DGCR2: variants seen among roughly 807,000 people sequenced by gnomAD.
DGCR2 encodes DiGeorge syndrome critical region gene 2, also known as integral membrane protein DGCR2/IDD.
DGCR2 carries 24 observed loss-of-function variants against 51.6 expected under a neutral mutation model. The ratio of observed to expected loss-of-function variants is 0.47; its 90% CI spans 0.34 to 0.65. The LOEUF (loss-of-function observed/expected upper bound fraction) is 0.65, where lower values mean the gene tolerates loss of function less well. Ranked by LOEUF, DGCR2 falls within the 30% of genes least tolerant of loss-of-function variation. The probability of loss-of-function intolerance (pLI) is 0.01; values close to 1 mark genes in which losing one functional copy is unlikely to be tolerated. For synonymous variants in DGCR2, 340 were observed against 315.4 expected, an observed-to-expected ratio of 1.08 and a Z score of -0.82; for missense variants, 765 against 772.1, an observed-to-expected ratio of 0.99 and a Z score of 0.11.
chr22:19,036,535 C>G lies in DGCR2; in HGVS notation c.*2330G>C, dbSNP rs964279603. 1 of 152,444 alleles carries G rather than the reference C, an allele frequency of 6.6e-6. No homozygotes were observed. The highest frequency in any genetic ancestry group is 2.4e-5 in the African/African-American group (1 of 41,446). 9.4% of individuals were successfully genotyped at this position (152,444 alleles called of 1,614,324 possible). A position where few individuals can be genotyped will look rare whatever the true frequency, so the allele number is the denominator to read the frequency against. On this transcript the variant is annotated 3_prime_UTR_variant, in exon 10 of 10. Transcript: ENST00000263196. Reference sequence around the variant, plus strand: ...GGAGCACAAGGTTCAGCAAGGGTGACCCCGGGACTTGCTGGTCAGACTGGG... The same window carrying G: ...GGAGCACAAGGTTCAGCAAGGGTGAGCCCGGGACTTGCTGGTCAGACTGGG...
chr22:19,089,127 C>T (rs1045348841), intron 2 of DGCR2, among the ~76,000 whole-genome samples: 1 of 152,218 alleles, frequency 6.6e-6, no homozygotes, highest in African/African-American at 2.4e-5. Flanking sequence ...TTAAGTGGAG[C>T]CTCCTGGGCA....
At chr22:19,084,454 G>C (rs1226336926) in intron 2 of DGCR2, among the ~76,000 whole-genome samples, 1 of 144,256 alleles carries the variant, frequency 6.9e-6, no homozygotes, top group Non-Finnish European at 1.5e-5. Context: ...CAGCCGCCCC[G>C]TCTGAGAAGT....
intron 2 of DGCR2, among the ~76,000 whole-genome samples, chr22:19,088,251 G>C (rs2083040035): frequency 6.6e-6 from 1 of 152,194 alleles, no homozygotes; most frequent in Non-Finnish European, 1.5e-5. Flanking sequence ...TCAAGCCTGG[G>C]CACCAGGAAT....
At chr22:19,110,324 T>A (rs738905) in intron 1 of DGCR2, among the ~76,000 whole-genome samples, 40,885 of 152,046 alleles carry the variant, frequency 0.27, 6,974 homozygotes, top group Non-Finnish European at 0.39. Context: ...AGGAACAGGC[T>A]GCGGGGAAGT....
chr22:19,042,039 C>T, intron 7 of DGCR2, 80 bp from the exon 8 acceptor site: 1 of 1,499,176 alleles, frequency 6.7e-7, no homozygotes, highest in African/African-American at 1.4e-5. Context: ...CGTCCTCCTG[C>T]CCAGGCGGGC....
rs936657060 is a variant in DGCR2, at chr22:19,122,373, G to T, written c.-167C>A. The T allele has an allele frequency of 6.1e-6, 3 of 495,728 alleles. No homozygotes were observed. The highest frequency in any genetic ancestry group is 3.7e-5 in the East Asian group (1 of 27,080). The allele number at this position is 495,728 out of a possible 1,614,324, so 30.7% of individuals were successfully genotyped here. On this transcript the variant is annotated 5_prime_UTR_variant, in exon 1 of 10. Transcript: ENST00000263196. ...GGGCCGCGGGCTGGCGCACACTCTCGGCTGCAACCTCAGGCACCGACTCCA... is the reference window on the plus strand; with the variant it reads ...GGGCCGCGGGCTGGCGCACACTCTCTGCTGCAACCTCAGGCACCGACTCCA...
intron 4 of DGCR2, among the ~76,000 whole-genome samples, chr22:19,063,533 T>C (rs1459159479): frequency 2.0e-5 from 3 of 147,970 alleles, no homozygotes; most frequent in African/African-American, 7.5e-5. Flanking sequence ...TTTTTTTTAG[T>C]AGAGACGGGG....
chr22:19,104,599 T>C (rs1375276555), intron 1 of DGCR2, among the ~76,000 whole-genome samples: 2 of 152,172 alleles, frequency 1.3e-5, no homozygotes, highest in Admixed American at 1.3e-4. Context: ...CTGCTCGCAC[T>C]ACTCACAGCC....
At chr22:19,108,593 A>G (rs1318410016) in intron 1 of DGCR2, among the ~76,000 whole-genome samples, 1 of 102,796 alleles carries the variant, frequency 9.7e-6, no homozygotes, top group African/African-American at 4.1e-5. Flanking sequence ...AAAAAAAAAA[A>G]AAAAAAAAAA....
At chr22:19,062,263 G>A (rs2145962097) in intron 5 of DGCR2, among the ~76,000 whole-genome samples, 1 of 152,284 alleles carries the variant, frequency 6.6e-6, no homozygotes, top group Admixed American at 6.5e-5. Flanking sequence ...TCCTGAGCAG[G>A]ATCGGGACAG....
Position 19,057,214 on chromosome 22 carries a change from C to G in DGCR2, c.626-52G>C. 1 of 1,508,846 alleles carries G rather than the reference C, an allele frequency of 6.6e-7. No individual in the cohort carries two copies. The highest frequency in any genetic ancestry group is 8.9e-7 in the Non-Finnish European group (1 of 1,118,262). 93.5% of individuals were successfully genotyped at this position (1,508,846 alleles called of 1,614,324 possible). A position where few individuals can be genotyped will look rare whatever the true frequency, so the allele number is the denominator to read the frequency against. Reference sequence around the variant, plus strand: ...GGACAACATCACATCAGAGGACAAGCTGTGCAGTCCTCAAGGGGACCATGG... The same window carrying G: ...GGACAACATCACATCAGAGGACAAGGTGTGCAGTCCTCAAGGGGACCATGG... On this transcript the variant is annotated intron_variant, in intron 5 of 9. Coordinates refer to ENST00000263196, the MANE Select transcript of DGCR2 (RefSeq NM_005137.3). The surrounding 1 kb of genome is among the most constrained non-coding windows in gnomAD (Gnocchi z 5.1).
chr22:19,057,118 C>A lies in DGCR2; in HGVS notation c.670G>T (p.Ala224Ser). The A allele has an allele frequency of 6.2e-7, 1 of 1,608,304 alleles. No individual in the cohort carries two copies. Among genetic ancestry groups the A allele is most frequent in the Non-Finnish European group, 8.5e-7 (1 of 1,177,526 alleles). Residue 224 changes from alanine (A) to serine (S), a missense_variant, in exon 6 of 10, where the codon GCC (alanine) becomes TCC (serine). Physicochemically the swap from Ala to Ser is moderately conservative, Grantham distance 99. This residue lies in a region of DGCR2 where 370 missense variants were observed against 325.5 expected (regional missense o/e 1.14). Coordinates refer to ENST00000263196, the MANE Select transcript of DGCR2 (RefSeq NM_005137.3). The surrounding 1 kb of genome is among the most constrained non-coding windows in gnomAD (Gnocchi z 5.1). ...FLPPDPIFAS[A>S]MSENDNVFCA... is the part of the protein sequence containing the mutation. ...AACACGTTGTCGTTCTCAGACATGG[C>A]CGAGGCAAAGATGGGGTCTGGGGGC...
intron 8 of DGCR2, 53 bp from the exon 9 acceptor site, chr22:19,041,347 C>G: frequency 6.4e-7 from 1 of 1,565,882 alleles, no homozygotes; most frequent in Admixed American, 1.7e-5. Context: ...TGGGGGCAGG[C>G]TGCCTGGCTC....
At chr22:19,074,747 T>A (rs776086289) in intron 2 of DGCR2, among the ~76,000 whole-genome samples, 1 of 152,090 alleles carries the variant, frequency 6.6e-6, no homozygotes, top group African/African-American at 2.4e-5. Flanking sequence ...AAGATAAAAC[T>A]AAAAATTTGA....
At chr22:19,048,768 A>C (rs1267978428) in intron 6 of DGCR2, 125 bp from the exon 7 acceptor site, 2 of 921,720 alleles carry the variant, frequency 2.2e-6, no homozygotes, top group African/African-American at 3.3e-5. Flanking sequence ...CTGTTACCTT[A>C]GAATGGGAAG....
chr22:19,052,593 C>T (rs1030721461), intron 6 of DGCR2, among the ~76,000 whole-genome samples: 2 of 146,998 alleles, frequency 1.4e-5, no homozygotes, highest in Non-Finnish European at 1.5e-5. Context: ...GGCAACATAG[C>T]GAAATCCCGC....
intron 1 of DGCR2, among the ~76,000 whole-genome samples, chr22:19,120,677 C>G (rs879809972): frequency 6.6e-6 from 1 of 152,172 alleles, no homozygotes; most frequent in Admixed American, 6.5e-5. Flanking sequence ...CACCTGAGCC[C>G]GGTGACCTCA....
intron 2 of DGCR2, among the ~76,000 whole-genome samples, chr22:19,079,351 G>T (rs1002243386): frequency 6.6e-6 from 1 of 152,064 alleles, no homozygotes; most frequent in African/African-American, 2.4e-5. Context: ...TTCAGTTAAG[G>T]GATACTCAAT....
At chr22:19,104,087 G>A (rs1242223869) in intron 1 of DGCR2, among the ~76,000 whole-genome samples, 1 of 152,078 alleles carries the variant, frequency 6.6e-6, no homozygotes, top group Non-Finnish European at 1.5e-5. Flanking sequence ...TCAGAGCAAT[G>A]ATGTCATCAC....
Sources: allele counts gnomAD v4.1 joint callset (sites outside exome capture counted in the v4.1 genomes callset), GRCh38; gene constraint gnomAD v4.1.1; regional missense constraint gnomAD v4.1.1; non-coding constraint Gnocchi (gnomAD v3.1); transcripts MANE v1.5; gene names NCBI Gene and HGNC (gene_info 2026-07-23, HGNC 2026-07-21).